The following RIPK4 variants were observed in gnomAD, a reference collection of about 807,000 sequenced individuals.
RIPK4 encodes the protein receptor-interacting serine/threonine-protein kinase 4.
A neutral mutation model predicts 42.9 loss-of-function variants in RIPK4; 17 were observed. The observed-to-expected ratio is 0.40, with a 90% CI of 0.27 to 0.59. The LOEUF is 0.59. Ranked by LOEUF, RIPK4 falls within the 20% of genes least tolerant of loss-of-function variation. RIPK4 has a pLI of 0.47. For missense variants in RIPK4, 897 were observed against 1,104.4 expected (o/e 0.81, Z 2.66); for synonymous variants, 498 against 499.1 (o/e 1.00, Z 0.03).
At chr21:41,762,681 AT>A (rs5844090) in intron 1 of RIPK4, among the ~76,000 whole-genome samples, 5 of 152,080 alleles carry the variant, frequency 3.3e-5, no homozygotes, top group East Asian at 1.9e-4. Context: ...CAATGGCACT[AT>A]TTTTTTTAAT....
intron 4 of RIPK4, 95 bp from the exon 5 acceptor site, chr21:41,746,866 T>C (rs768908446): frequency 1.4e-6 from 2 of 1,405,082 alleles, no homozygotes; most frequent in South Asian, 2.7e-5. Context: ...GGGGCCACAA[T>C]GGGGCCATCC....
chr21:41,747,671 G>A (rs146034205), intron 4 of RIPK4, among the ~76,000 whole-genome samples: 237 of 152,262 alleles, frequency 1.6e-3, no homozygotes, highest in African/African-American at 5.2e-3. Flanking sequence ...AATAAATATC[G>A]TTAAGTGTTT....
In RIPK4 at chr21:41,741,532, C is replaced by A. The variant is rs764286644; in HGVS notation, c.1661G>T (p.Arg554Leu). ...GTCCACGCCTCGGCGCAGCAGGATGCGCACGATATTCTCCTGCCCGTGCTG... is the reference window on the plus strand; with the variant it reads ...GTCCACGCCTCGGCGCAGCAGGATGAGCACGATATTCTCCTGCCCGTGCTG... Reference protein sequence around the residue: ...ACQHGQENIVRILLRRGVDVS... With the variant: ...ACQHGQENIVLILLRRGVDVS... The change falls in exon 8 of 8, where the codon CGC becomes CTC. Residue 554 changes from arginine (R) to leucine (L), a missense_variant. Arg to Leu is a moderately radical substitution (Grantham distance 102). Transcript: ENST00000332512. 3 of 1,612,314 alleles carry A rather than the reference C, an allele frequency of 1.9e-6. No individual in the cohort carries two copies. The highest frequency in any genetic ancestry group is 2.5e-6 in the Non-Finnish European group (3 of 1,179,996).
chr21:41,753,989 A>G (rs1490237609), intron 2 of RIPK4, among the ~76,000 whole-genome samples: 2 of 152,216 alleles, frequency 1.3e-5, no homozygotes, highest in African/African-American at 4.8e-5. Flanking sequence ...ATTACTTTGT[A>G]TACTATTTAC....
rs758417203 is a variant in RIPK4 at position 41,751,282 on chromosome 21, G to GC, written c.475-38dup. 7 of 1,608,228 alleles carry GC rather than the reference G, an allele frequency of 4.4e-6. No homozygotes were observed. The African/African-American group carries it at 8.0e-5, about 18-fold the overall frequency. ...CCATCAGAGCGGGGCTCATTAGCCTGCAACAGTGATATTTTATGATGCTTT... is the reference window on the plus strand; with the variant it reads ...CCATCAGAGCGGGGCTCATTAGCCTGCCAACAGTGATATTTTATGATGCTTT... On this transcript the variant is annotated intron_variant, in intron 2 of 7. Coordinates refer to ENST00000332512, the MANE Select transcript of RIPK4 (RefSeq NM_020639.3). This position sits in a 1 kb window ranked among gnomAD's most constrained non-coding sequence, Gnocchi z 4.5.
At chr21:41,766,604 C>T (rs1245149429) in intron 1 of RIPK4, among the ~76,000 whole-genome samples, 1 of 152,122 alleles carries the variant, frequency 6.6e-6, no homozygotes, top group Non-Finnish European at 1.5e-5. Flanking sequence ...CCAGAGGAGC[C>T]CCAGAGGAGC....
Position 41,751,159 on chromosome 21 carries a change from G to A in RIPK4, c.561C>T (p.Tyr187=), listed in dbSNP as rs990725950. ...TCTCCCTGATGCGCTCTGGAGGGAG[G>A]TAGGCGATTGTGCCAAACAGGCCAT... is the stretch of plus-strand genomic sequence containing the variant. ...SMDGLFGTIA[Y]LPPERIREKS... Residue 187 remains tyrosine (Y), a synonymous_variant, in exon 3 of 8, where the codon TAC becomes TAT. Transcript: ENST00000332512. The surrounding 1 kb of genome is among the most constrained non-coding windows in gnomAD (Gnocchi z 4.5). The A allele has an allele frequency of 1.5e-5, 24 of 1,614,134 alleles. No individual in the cohort carries two copies. In the African/African-American group the frequency reaches 1.6e-4, roughly 11 times the overall value.
Position 41,741,246 on chromosome 21 carries a change from G to A in RIPK4, c.1947C>T (p.His649=), listed in dbSNP as rs1259185864. 6.2e-7 allele frequency: 1 copy of A among 1,609,186 alleles called. No homozygotes were observed. Among genetic ancestry groups the A allele is most frequent in the Non-Finnish European group, 8.5e-7 (1 of 1,179,216 alleles). ...TPLHVAAETG[H]TSTARLLLHR... is the part of the protein sequence containing the mutation. ...GCAGGAGCAGCCTGGCAGTGCTCGT[G>A]TGCCCCGTCTCCGCGGCCACGTGCA... The change falls in exon 8 of 8, where the codon CAC becomes CAT. Residue 649 remains histidine (H), a synonymous_variant. Transcript: ENST00000332512.
chr21:41,766,926 A>G lies in RIPK4; in HGVS notation c.116T>C (p.Val39Ala). The G allele has an allele frequency of 6.2e-7, 1 of 1,610,010 alleles. No individual in the cohort carries two copies. ...CCAGGTCTTCCAGTGGACATGGCGC[A>G]CCTTGTACACCTGCCCGAAGCCGCC... ...GSGGFGQVYK[V>A]RHVHWKTWLA... Residue 39 changes from valine to alanine, a missense_variant, in exon 1 of 8, where the codon GTG becomes GCG. Physicochemically the swap from Val to Ala is moderately conservative, Grantham distance 64. Coordinates refer to ENST00000332512, the MANE Select transcript of RIPK4 (RefSeq NM_020639.3).
rs992022766 is a variant in RIPK4 at position 41,755,276 on chromosome 21, C to G, written c.474+1249G>C. 6.6e-6 allele frequency among the ~76,000 whole-genome samples: 1 copy of G among 152,194 alleles called. No individual in the cohort carries two copies. Among genetic ancestry groups the G allele is most frequent in the African/African-American group, 2.4e-5 (1 of 41,448 alleles). ...CAATTTCCTACTTCACTTCGCAGGA[C>G]GGTGCTTCATCTTCTAGCTGAAATC... On this transcript the variant is annotated intron_variant, in intron 2 of 7. Transcript: ENST00000332512. The surrounding 1 kb of genome is among the most constrained non-coding windows in gnomAD (Gnocchi z 4.2).
Position 41,749,784 on chromosome 21 carries a change from C to T in RIPK4, c.624-581G>A, listed in dbSNP as rs141843387. 1.8e-4 allele frequency among the ~76,000 whole-genome samples: 27 copies of T among 150,966 alleles called. 1 individual carries two copies. The highest frequency in any genetic ancestry group is 1.6e-3 in the East Asian group (8 of 5,134). On this transcript the variant is annotated intron_variant, in intron 3 of 7. Coordinates refer to ENST00000332512, the MANE Select transcript of RIPK4 (RefSeq NM_020639.3). ...AAACGTAGGAGACAACACAGCTGAA[C>T]GCCCCAAAGCCTTTTTCGGGGGCTG...
At chr21:41,754,498 C>T (rs531265332) in intron 2 of RIPK4, among the ~76,000 whole-genome samples, 1 of 152,172 alleles carries the variant, frequency 6.6e-6, no homozygotes. Flanking sequence ...CAGCACCCAG[C>T]GTGCCTTCGA....
rs761400792 is a variant in RIPK4, at chr21:41,741,416, G to A, written c.1777C>T (p.Pro593Ser). Residue 593 changes from proline to serine, a missense_variant, in exon 8 of 8, where the codon CCG becomes TCG. Pro to Ser is a moderately conservative substitution (Grantham distance 74, BLOSUM62 -1). Transcript: ENST00000332512. ...GTCTGGGCGTTCACACTCACCCCCG[G>A]CTGCTTGGCCAGCAGCTTGACGATG... Reference protein sequence around the residue: ...LPIVKLLAKQPGVSVNAQTLD... With the variant: ...LPIVKLLAKQSGVSVNAQTLD... The A allele has an allele frequency of 9.3e-6, 15 of 1,612,682 alleles. No individual in the cohort carries two copies. In the East Asian group the frequency reaches 3.1e-4, roughly 34 times the overall value.
intron 1 of RIPK4, among the ~76,000 whole-genome samples, chr21:41,764,492 GA>G (rs1268518801): frequency 3.9e-5 from 6 of 152,176 alleles, no homozygotes; most frequent in Non-Finnish European, 8.8e-5. Context: ...GACTTAGGCA[GA>G]AGGGGTACAG....
At chr21:41,750,947 G>T in intron 3 of RIPK4, 150 bp downstream of exon 3, 1 of 941,108 alleles carries the variant, frequency 1.1e-6, no homozygotes, top group Non-Finnish European at 1.5e-6. Flanking sequence ...CGCAGTGCTG[G>T]GATTACAGGC....
At chr21:41,748,600 A>T (rs1438489527) in intron 4 of RIPK4, among the ~76,000 whole-genome samples, 1 of 152,214 alleles carries the variant, frequency 6.6e-6, no homozygotes, top group Admixed American at 6.5e-5. Context: ...GGGTACATGT[A>T]ATGCTCCTGA....
At chr21:41,749,378 A>G (rs2061181248) in intron 3 of RIPK4, among the ~76,000 whole-genome samples, 175 bp from the exon 4 acceptor site, 1 of 152,182 alleles carries the variant, frequency 6.6e-6, no homozygotes, top group African/African-American at 2.4e-5. Flanking sequence ...AGTGAAGCCC[A>G]GCATGTTGAT....
intron 2 of RIPK4, among the ~76,000 whole-genome samples, chr21:41,754,220 C>T (rs1163755003): frequency 1.3e-5 from 2 of 152,220 alleles, no homozygotes; most frequent in Non-Finnish European, 2.9e-5. Flanking sequence ...TTCCACACTT[C>T]GTCTTCAGGA....
At chr21:41,749,450 T>G (rs1298176264) in intron 3 of RIPK4, among the ~76,000 whole-genome samples, 1 of 152,214 alleles carries the variant, frequency 6.6e-6, no homozygotes, top group Non-Finnish European at 1.5e-5. Flanking sequence ...TCAGGCAGCT[T>G]GAGGGACTTC....
Sources: gnomAD v4.1 joint callset for allele counts (sites outside exome capture counted in the v4.1 genomes callset) on GRCh38, gnomAD v4.1.1 for gene constraint, Gnocchi (gnomAD v3.1) non-coding constraint, MANE v1.5 for transcripts, NCBI Gene and HGNC (gene_info 2026-07-23, HGNC 2026-07-21) for gene names.